Variants in SH3D19 observed in about 807,000 individuals in gnomAD.
SH3D19 encodes the protein SH3 domain containing 19.
SH3D19 carries 58 observed loss-of-function variants against 112.1 expected under a neutral mutation model. The ratio of observed to expected loss-of-function variants is 0.52; its 90% CI spans 0.42 to 0.64. The LOEUF (loss-of-function observed/expected upper bound fraction) is 0.64. Ranked by LOEUF, SH3D19 falls within the 30% of genes least tolerant of loss-of-function variation. The pLI is 0.00. For missense variants in SH3D19, 1,090 were observed against 1,263.4 expected (o/e 0.86, Z 2.08); for synonymous variants, 391 against 448.5 (o/e 0.87, Z 1.62).
At chr4:151,264,835 C>T (rs922922760) in intron 1 of SH3D19, among the ~76,000 whole-genome samples, 1 of 151,930 alleles carries the variant, frequency 6.6e-6, no homozygotes, top group Non-Finnish European at 1.5e-5. Context: ...AACATGGGAT[C>T]TGATGCTGAC....
intron 2 of SH3D19, among the ~76,000 whole-genome samples, chr4:151,215,177 C>A (rs1766862188): frequency 6.6e-6 from 1 of 152,238 alleles, no homozygotes; most frequent in South Asian, 2.1e-4. Context: ...CTGCCTTGGC[C>A]TCCCAAAGTG....
rs560453545 is a variant in SH3D19 at position 151,312,220 on chromosome 4, T to C, written c.112+13021A>G. On this transcript the variant is annotated intron_variant, in intron 1 of 19. Transcript: ENST00000604030. ...CTGAAAAAGGGGGAAAAAAGAAAAATGCATGATGGATTCTGTTTATTCTGT... is the reference window on the plus strand; with the variant it reads ...CTGAAAAAGGGGGAAAAAAGAAAAACGCATGATGGATTCTGTTTATTCTGT... Among the ~76,000 whole-genome samples the C allele has an allele frequency of 3.3e-5, 5 of 152,138 alleles. No homozygotes were observed. The South Asian group carries it at 1.0e-3, about 32-fold the overall frequency.
intron 6 of SH3D19, 97 bp from the exon 7 acceptor site, chr4:151,175,771 C>T (rs891845321): frequency 1.5e-5 from 16 of 1,100,144 alleles, no homozygotes; most frequent in South Asian, 4.8e-5. Flanking sequence ...TTTAAAACTA[C>T]ATACATGGAA....
At chr4:151,253,252 C>T (rs1397283735) in intron 1 of SH3D19, among the ~76,000 whole-genome samples, 2 of 152,172 alleles carry the variant, frequency 1.3e-5, no homozygotes, top group Non-Finnish European at 2.9e-5. Flanking sequence ...CCAAGCACAC[C>T]CCTGCCTCAG....
intron 2 of SH3D19, among the ~76,000 whole-genome samples, chr4:151,194,183 G>A (rs1423721380): frequency 4.6e-5 from 7 of 151,362 alleles, no homozygotes; most frequent in Non-Finnish European, 7.4e-5. Context: ...CCGCCACCAC[G>A]CCCAGCTAGT....
At chr4:151,216,763 A>G (rs1384220351) in intron 2 of SH3D19, among the ~76,000 whole-genome samples, 1 of 152,202 alleles carries the variant, frequency 6.6e-6, no homozygotes, top group Admixed American at 6.5e-5. Context: ...TAGACCAGCC[A>G]ATAAAACTTT....
intron 1 of SH3D19, among the ~76,000 whole-genome samples, chr4:151,234,750 T>TG (rs1769896592): frequency 7.8e-6 from 1 of 128,156 alleles, no homozygotes; most frequent in African/African-American, 3.1e-5. Flanking sequence ...TTTTTTTTTT[T>TG]TTTTTTTTTT....
At position 151,313,701 on chromosome 4, in the gene SH3D19, C is replaced by A. The variant is rs915305627; in HGVS notation, c.112+11540G>T. Among the ~76,000 whole-genome samples the A allele has an allele frequency of 3.3e-5, 5 of 152,230 alleles. No individual in the cohort carries two copies. In the South Asian group the frequency reaches 1.0e-3, roughly 32 times the overall value. ...ATCCCACTTCCAGACGCACCCTCCA[C>A]TGGCAATAGTTACACTTTCACTGAG... On this transcript the variant is annotated intron_variant, in intron 1 of 19. Coordinates refer to ENST00000604030, the MANE Select transcript of SH3D19 (RefSeq NM_001378122.1).
chr4:151,235,183 T>C (rs1448417560), intron 1 of SH3D19, among the ~76,000 whole-genome samples: 1 of 151,936 alleles, frequency 6.6e-6, no homozygotes. Context: ...ATCCTCCCCC[T>C]CCTCCCGCCC....
chr4:151,208,378 CT>C (rs1345943917), intron 2 of SH3D19, among the ~76,000 whole-genome samples: 1 of 152,072 alleles, frequency 6.6e-6, no homozygotes, highest in Non-Finnish European at 1.5e-5. Context: ...TTATCTCTCT[CT>C]TTTTTTTAAA....
intron 1 of SH3D19, among the ~76,000 whole-genome samples, chr4:151,247,424 C>A (rs1771020397): frequency 6.6e-6 from 1 of 152,186 alleles, no homozygotes; most frequent in South Asian, 2.1e-4. Flanking sequence ...TCAATAATAA[C>A]TGTTCTTTCA....
chr4:151,307,345 T>TA (rs1729023722), intron 1 of SH3D19, among the ~76,000 whole-genome samples: 1 of 152,242 alleles, frequency 6.6e-6, no homozygotes, highest in Admixed American at 6.5e-5. Context: ...TCTATCTTTT[T>TA]AGTGTCTCCC....
intron 1 of SH3D19, among the ~76,000 whole-genome samples, chr4:151,272,975 C>T (rs1311709323): frequency 1.3e-5 from 2 of 152,106 alleles, no homozygotes; most frequent in Admixed American, 6.6e-5. Flanking sequence ...TCTAATGCTG[C>T]TGGTCCAACT....
chr4:151,218,759 C>G (rs567284703), intron 2 of SH3D19, among the ~76,000 whole-genome samples: 33 of 152,202 alleles, frequency 2.2e-4, no homozygotes, highest in African/African-American at 7.7e-4. Flanking sequence ...ACTTTTAGTA[C>G]CTATACGTAG....
intron 2 of SH3D19, among the ~76,000 whole-genome samples, chr4:151,217,979 T>C (rs2149927069): frequency 6.6e-6 from 1 of 152,138 alleles, no homozygotes; most frequent in East Asian, 1.9e-4. Context: ...CATATATATA[T>C]CCCCATTTGT....
At chr4:151,244,116 A>G (rs1048467243) in intron 1 of SH3D19, among the ~76,000 whole-genome samples, 1 of 152,212 alleles carries the variant, frequency 6.6e-6, no homozygotes, top group African/African-American at 2.4e-5. Flanking sequence ...ACTAGGGAAT[A>G]AAAGTTTATT....
At chr4:151,299,580 CAAAAAAAAAAA>C (rs369585943) in intron 1 of SH3D19, among the ~76,000 whole-genome samples, 1 of 92,804 alleles carries the variant, frequency 1.1e-5, no homozygotes, top group African/African-American at 4.2e-5. Context: ...AACTCCGTCT[CAAAAAAAAAAA>C]AAAAAAAAAA....
At chr4:151,160,130 A>C (rs954304343) in intron 8 of SH3D19, among the ~76,000 whole-genome samples, 41 of 143,326 alleles carry the variant, frequency 2.9e-4, no homozygotes, top group African/African-American at 1.1e-3. Context: ...TCTGTCACCC[A>C]GGCTGCAGTG....
intron 2 of SH3D19, among the ~76,000 whole-genome samples, chr4:151,223,458 G>A (rs1768441339): frequency 6.6e-6 from 1 of 152,018 alleles, no homozygotes; most frequent in Non-Finnish European, 1.5e-5. Context: ...CATTAGTTGA[G>A]CACTTCCTAG....
Sources: allele counts gnomAD v4.1 joint callset (sites outside exome capture counted in the v4.1 genomes callset), GRCh38; gene constraint gnomAD v4.1.1; transcripts MANE v1.5; gene names NCBI Gene and HGNC (gene_info 2026-07-23, HGNC 2026-07-21).